GPR137C: variants seen among roughly 807,000 people sequenced by gnomAD.
The protein encoded by GPR137C is integral membrane protein GPR137C.
Under a neutral mutation model 43.4 loss-of-function variants are expected in GPR137C, and 27 were observed. The ratio of observed to expected loss-of-function variants is 0.62; its 90% CI spans 0.46 to 0.86. The LOEUF is 0.86. Among genes scored for constraint, GPR137C ranks in the 40% least tolerant of loss-of-function variants. The pLI is 0.00. For synonymous variants in GPR137C, 285 were observed against 226.9 expected (o/e 1.26, Z -2.30); for missense variants, 522 against 534.6 (o/e 0.98, Z 0.23).
intron 3 of GPR137C, among the ~76,000 whole-genome samples, chr14:52,601,757 G>T (rs2038928603): frequency 6.6e-6 from 1 of 151,766 alleles, no homozygotes; most frequent in Non-Finnish European, 1.5e-5. Context: ...CATACCTGTT[G>T]CTTGTCTAGG....
At chr14:52,607,210 G>A (rs6572853) in intron 3 of GPR137C, among the ~76,000 whole-genome samples, 140,785 of 152,258 alleles carry the variant, frequency 0.92, 65,128 homozygotes, top group East Asian at 0.99. Context: ...GGCCTAACAT[G>A]TGGTCTATTC....
chr14:52,589,430 G>T (rs942976142), intron 1 of GPR137C, among the ~76,000 whole-genome samples: 2 of 152,112 alleles, frequency 1.3e-5, no homozygotes, highest in Admixed American at 6.6e-5. Flanking sequence ...AATCATGTAT[G>T]GGGGGAATTT....
At chr14:52,586,121 T>C (rs1346998161) in intron 1 of GPR137C, among the ~76,000 whole-genome samples, 2 of 152,196 alleles carry the variant, frequency 1.3e-5, no homozygotes, top group East Asian at 3.9e-4. Flanking sequence ...TATCCTGGAA[T>C]GTCCTCAGGG....
At chr14:52,632,443 C>G (rs1189792574) in intron 4 of GPR137C, 134 bp downstream of exon 4, 3 of 604,700 alleles carry the variant, frequency 5.0e-6, no homozygotes, top group South Asian at 2.9e-5. Flanking sequence ...ATACTTAAAG[C>G]TTTGTGTTTA....
intron 3 of GPR137C, among the ~76,000 whole-genome samples, chr14:52,621,101 G>A (rs947534405): frequency 6.6e-6 from 1 of 151,716 alleles, no homozygotes; most frequent in African/African-American, 2.4e-5. Flanking sequence ...AGAAAATTTT[G>A]TCTAGGGTCA....
intron 5 of GPR137C, 59 bp from the exon 6 acceptor site, chr14:52,633,769 G>C (rs1177400510): frequency 2.6e-6 from 4 of 1,516,880 alleles, no homozygotes; most frequent in African/African-American, 2.8e-5. Context: ...ATAGATTCTA[G>C]CCTCCTTTCT....
intron 1 of GPR137C, among the ~76,000 whole-genome samples, chr14:52,561,136 G>A (rs1249160803): frequency 6.6e-6 from 1 of 152,158 alleles, no homozygotes; most frequent in African/African-American, 2.4e-5. Flanking sequence ...TTACACTCAC[G>A]TTGAACTACC....
Position 52,635,094 on chromosome 14 carries a change from A to C in GPR137C, c.1269A>C (p.Leu423Phe). 6.3e-7 allele frequency: 1 copy of C among 1,580,892 alleles called. No individual in the cohort carries two copies. The highest frequency in any genetic ancestry group is 1.2e-5 in the South Asian group (1 of 84,586). Residue 423 changes from leucine to phenylalanine, a missense_variant, in exon 7 of 7, where the codon TTA (leucine) becomes TTC (phenylalanine). Leu to Phe is a conservative substitution (Grantham distance 22, BLOSUM62 0). This residue lies in a region of GPR137C where 67 missense variants were observed against 69.0 expected (regional missense o/e 0.97). Transcript: ENST00000321662. ...TAGATTTGAACAATCATCATAGCTT[A>C]TATGTGACACCACAAAACTGACAGC... The part of the protein sequence containing the change: ...SNLDLNNHHS[L>F]YVTPQN
At chr14:52,590,016 C>T (rs2038761829) in intron 1 of GPR137C, among the ~76,000 whole-genome samples, 1 of 152,088 alleles carries the variant, frequency 6.6e-6, no homozygotes, top group Admixed American at 6.6e-5. Flanking sequence ...AATACAGCCT[C>T]ACGTAGGTCC....
At chr14:52,560,398 C>T (rs1053338705) in intron 1 of GPR137C, among the ~76,000 whole-genome samples, 1 of 152,134 alleles carries the variant, frequency 6.6e-6, no homozygotes, top group Non-Finnish European at 1.5e-5. Flanking sequence ...ATTTTGGTAG[C>T]TGTTGCCAAG....
At chr14:52,555,908 A>G (rs998539745) in intron 1 of GPR137C, among the ~76,000 whole-genome samples, 1 of 152,178 alleles carries the variant, frequency 6.6e-6, no homozygotes, top group Non-Finnish European at 1.5e-5. Context: ...TCATTAGAGA[A>G]AATCTCCAGG....
chr14:52,620,094 G>A (rs902336052), intron 3 of GPR137C, among the ~76,000 whole-genome samples: 2 of 152,090 alleles, frequency 1.3e-5, no homozygotes, highest in African/African-American at 4.8e-5. Context: ...CACTGAGTGA[G>A]TTTCCTGTTT....
rs1340729165 is a variant in GPR137C at position 52,552,928 on chromosome 14, A to C, written c.-220A>C. Among the ~76,000 whole-genome samples, 1 of 151,086 alleles carries C rather than the reference A, an allele frequency of 6.6e-6. No individual in the cohort carries two copies. The highest frequency in any genetic ancestry group is 1.5e-5 in the Non-Finnish European group (1 of 67,690). On this transcript the variant is annotated 5_prime_UTR_variant, in exon 1 of 7. Coordinates refer to ENST00000321662, the MANE Select transcript of GPR137C (RefSeq NM_001099652.2). ...TGCAGCTACGGAGCCGAGCCGCAGC[A>C]GGAGGAGCCGAGACCCCCGGGGGGT...
chr14:52,586,112 A>G (rs1233892570), intron 1 of GPR137C, among the ~76,000 whole-genome samples: 1 of 152,188 alleles, frequency 6.6e-6, no homozygotes, highest in Non-Finnish European at 1.5e-5. Context: ...AGAGTTTACT[A>G]TCCTGGAATG....
intron 3 of GPR137C, among the ~76,000 whole-genome samples, chr14:52,609,970 C>T (rs750616969): frequency 1.3e-5 from 2 of 152,180 alleles, no homozygotes; most frequent in Non-Finnish European, 2.9e-5. Flanking sequence ...AACTTCTCAC[C>T]GCAAAACATA....
Position 52,635,606 on chromosome 14 carries a change from T to C in GPR137C, c.*491T>C, listed in dbSNP as rs1273843303. The C allele has an allele frequency of 6.6e-6, 1 of 152,198 alleles. No homozygotes were observed. The highest frequency in any genetic ancestry group is 2.4e-5 in the African/African-American group (1 of 41,460). The allele number at this position is 152,198 out of a possible 1,614,324, so 9.4% of individuals were successfully genotyped here. A position where few individuals can be genotyped will look rare whatever the true frequency, so the allele number is the denominator to read the frequency against. Reference sequence around the variant, plus strand: ...TAAGGCATAAAAATGTATCATTCTTTATAAAAATCTACTGAAAATGTGTAA... The same window carrying C: ...TAAGGCATAAAAATGTATCATTCTTCATAAAAATCTACTGAAAATGTGTAA... On this transcript the variant is annotated 3_prime_UTR_variant, in exon 7 of 7. Coordinates refer to ENST00000321662, the MANE Select transcript of GPR137C (RefSeq NM_001099652.2).
intron 1 of GPR137C, among the ~76,000 whole-genome samples, chr14:52,593,367 C>G (rs1260290884): frequency 1.3e-5 from 2 of 152,032 alleles, no homozygotes; most frequent in African/African-American, 4.8e-5. Context: ...GGGAGGAGTC[C>G]CTCTTTTTCT....
At chr14:52,576,481 C>T (rs897248860) in intron 1 of GPR137C, among the ~76,000 whole-genome samples, 2 of 151,992 alleles carry the variant, frequency 1.3e-5, no homozygotes, top group Non-Finnish European at 2.9e-5. Context: ...GGGTATATAC[C>T]CAGTAGTGGA....
rs1236437628 is a variant in GPR137C at position 52,600,359 on chromosome 14, A to C, written c.717+18A>C. 7.3e-7 allele frequency: 1 copy of C among 1,373,994 alleles called. No individual in the cohort carries two copies. The highest frequency in any genetic ancestry group is 1.9e-5 in the Admixed American group (1 of 51,416). The allele number at this position is 1,373,994 out of a possible 1,614,324, so 85.1% of individuals were successfully genotyped here. A position where few individuals can be genotyped will look rare whatever the true frequency, so the allele number is the denominator to read the frequency against. ...AATCAAAGGTAAGAATATTTCTTAA[A>C]TTGGCACTTGAAAATCTAATTTCAA... On this transcript the variant is annotated intron_variant, in intron 3 of 6. Coordinates refer to ENST00000321662, the MANE Select transcript of GPR137C (RefSeq NM_001099652.2).
Sources: gnomAD v4.1 joint callset for allele counts (sites outside exome capture counted in the v4.1 genomes callset) on GRCh38, gnomAD v4.1.1 for gene constraint, gnomAD v4.1.1 regional missense constraint, MANE v1.5 for transcripts, NCBI Gene and HGNC (gene_info 2026-07-23, HGNC 2026-07-21) for gene names.